Variants in EGFR observed in about 807,000 individuals in gnomAD.
The protein encoded by EGFR is epidermal growth factor receptor.
A neutral mutation model predicts 143.0 loss-of-function variants in EGFR; 58 were observed. That is an observed-to-expected ratio of 0.41 (90% confidence interval 0.33 to 0.50). The LOEUF is 0.50. Ranked by LOEUF, EGFR falls within the 20% of genes least tolerant of loss-of-function variation. The probability of loss-of-function intolerance (pLI) is 0.39; values close to 1 mark genes in which losing one functional copy is unlikely to be tolerated. For synonymous variants in EGFR, 613 were observed against 594.4 expected, an observed-to-expected ratio of 1.03 and a Z score of -0.45; for missense variants, 1,307 against 1,579.0, an observed-to-expected ratio of 0.83 and a Z score of 2.92.
intron 1 of EGFR, among the ~76,000 whole-genome samples, chr7:55,041,781 CA>C (rs1322280540): frequency 6.6e-6 from 1 of 152,164 alleles, no homozygotes; most frequent in Non-Finnish European, 1.5e-5. Flanking sequence ...GTGAGCGTGA[CA>C]AGTGTTTTCT....
At chr7:55,166,340 G>C (rs781644341) in intron 15 of EGFR, 8 of 566,980 alleles carry the variant, frequency 1.4e-5, no homozygotes, top group Non-Finnish European at 2.4e-5. Context: ...CCTCAGCTTT[G>C]TTTGGAACTG....
chr7:55,183,908 C>CTCCA (rs1312622829), intron 20 of EGFR, among the ~76,000 whole-genome samples: 3 of 152,224 alleles, frequency 2.0e-5, no homozygotes, highest in African/African-American at 7.2e-5. Context: ...TAACCCCCAG[C>CTCCA]TCCACAAAGG....
At chr7:55,020,489 G>A (rs1175025875) in intron 1 of EGFR, among the ~76,000 whole-genome samples, 2 of 152,068 alleles carry the variant, frequency 1.3e-5, no homozygotes, top group African/African-American at 2.4e-5. Flanking sequence ...AAAACCCGGA[G>A]ACTTTCTTTC....
chr7:55,183,154 C>T (rs901806131), intron 20 of EGFR, among the ~76,000 whole-genome samples: 2 of 152,128 alleles, frequency 1.3e-5, no homozygotes, highest in Non-Finnish European at 2.9e-5. Context: ...TTCACAAGGC[C>T]TTTTCCTGTG....
At chr7:55,045,326 T>C (rs1422836235) in intron 1 of EGFR, among the ~76,000 whole-genome samples, 2 of 152,226 alleles carry the variant, frequency 1.3e-5, no homozygotes, top group African/African-American at 2.4e-5. Context: ...AGATCCAAAA[T>C]GAGAATTTTA....
intron 5 of EGFR, among the ~76,000 whole-genome samples, chr7:55,152,068 A>G (rs1027811508): frequency 6.6e-6 from 1 of 152,110 alleles, no homozygotes; most frequent in Admixed American, 6.5e-5. Context: ...ACGGGTTCTC[A>G]TGGGGACTTT....
At chr7:55,086,856 T>C (rs1790792911) in intron 1 of EGFR, among the ~76,000 whole-genome samples, 1 of 146,646 alleles carries the variant, frequency 6.8e-6, no homozygotes, top group East Asian at 2.1e-4. Context: ...AAATTCTCTG[T>C]CTTTTTTCTC....
chr7:55,081,964 C>T (rs1262168604), intron 1 of EGFR, among the ~76,000 whole-genome samples: 1 of 152,196 alleles, frequency 6.6e-6, no homozygotes, highest in African/African-American at 2.4e-5. Context: ...ACTGCCTTTA[C>T]GATATCACTC....
At chr7:55,054,480 AG>A (rs1788671965) in intron 1 of EGFR, among the ~76,000 whole-genome samples, 1 of 152,228 alleles carries the variant, frequency 6.6e-6, no homozygotes. Context: ...CCGTGGCAGC[AG>A]CTCCTTTAAT....
intron 1 of EGFR, among the ~76,000 whole-genome samples, chr7:55,058,141 A>G (rs1788943480): frequency 6.6e-6 from 1 of 152,266 alleles, no homozygotes; most frequent in African/African-American, 2.4e-5. Context: ...CACGCCTGTA[A>G]TCCCAGCATT....
At chr7:55,057,516 T>C (rs1788900404) in intron 1 of EGFR, among the ~76,000 whole-genome samples, 2 of 152,250 alleles carry the variant, frequency 1.3e-5, no homozygotes, top group Admixed American at 1.3e-4. Flanking sequence ...CTAAGACTTT[T>C]GGCCAGAGTA....
At position 55,135,858 on chromosome 7, in the gene EGFR, G is replaced by A. The variant is rs566399176; in HGVS notation, c.89-6428G>A. Among the ~76,000 whole-genome samples the A allele has an allele frequency of 4.0e-3, 603 of 152,112 alleles. 12 individuals carry two copies. Among genetic ancestry groups the A allele is most frequent in the Non-Finnish European group, 1.2e-3 (79 of 67,996 alleles). On this transcript the variant is annotated intron_variant, in intron 1 of 27. Transcript: ENST00000275493. ...TTTAAGGAATGTATTTTTTAAGATAGCCTTCTTTAGCCTTCTTTAACACTG... is the reference window on the plus strand; with the variant it reads ...TTTAAGGAATGTATTTTTTAAGATAACCTTCTTTAGCCTTCTTTAACACTG...
At chr7:55,201,398 C>T (rs777640261) in intron 25 of EGFR, 43 bp downstream of exon 25, 213 of 1,613,106 alleles carry the variant, frequency 1.3e-4, no homozygotes, top group Non-Finnish European at 1.7e-4. Context: ...GCTGTGTCTA[C>T]TCATTTGAAC....
intron 1 of EGFR, among the ~76,000 whole-genome samples, chr7:55,110,581 G>A (rs1231013248): frequency 6.6e-6 from 1 of 152,190 alleles, no homozygotes; most frequent in Non-Finnish European, 1.5e-5. Flanking sequence ...AGCTCAATTA[G>A]CATGTGTCCA....
At chr7:55,155,350 G>T (rs535884651) in intron 7 of EGFR, among the ~76,000 whole-genome samples, 1 of 152,236 alleles carries the variant, frequency 6.6e-6, no homozygotes, top group African/African-American at 2.4e-5. Context: ...GCTGAGGCAG[G>T]AGAATTGCTT....
At chr7:55,131,547 T>C (rs1280104257) in intron 1 of EGFR, among the ~76,000 whole-genome samples, 1 of 152,196 alleles carries the variant, frequency 6.6e-6, no homozygotes, top group Admixed American at 6.5e-5. Flanking sequence ...CCATGCGAGC[T>C]TAGACCTTAG....
At chr7:55,036,898 C>T (rs1252076726) in intron 1 of EGFR, among the ~76,000 whole-genome samples, 1 of 152,154 alleles carries the variant, frequency 6.6e-6, no homozygotes, top group Non-Finnish European at 1.5e-5. Context: ...TTGGGAATAA[C>T]ACAGCTCCCT....
intron 19 of EGFR, chr7:55,180,196 A>T (rs1177255007): frequency 1.3e-5 from 2 of 152,274 alleles, no homozygotes; most frequent in South Asian, 2.1e-4. Context: ...CATTGCTGAG[A>T]TGTGAAAAGC....
At chr7:55,102,824 A>G (rs1373043769) in intron 1 of EGFR, among the ~76,000 whole-genome samples, 1 of 152,172 alleles carries the variant, frequency 6.6e-6, no homozygotes, top group African/African-American at 2.4e-5. Context: ...ACACTATGTA[A>G]CTGTTGGTTG....
Sources: allele counts gnomAD v4.1 joint callset (sites outside exome capture counted in the v4.1 genomes callset), GRCh38; gene constraint gnomAD v4.1.1; transcripts MANE v1.5; gene names NCBI Gene and HGNC (gene_info 2026-07-23, HGNC 2026-07-21).